WWOX: variants seen among roughly 807,000 people sequenced by gnomAD.
WWOX encodes the protein WW domain containing oxidoreductase.
A neutral mutation model predicts 46.2 loss-of-function variants in WWOX; 69 were observed. The ratio of observed to expected loss-of-function variants is 1.49; its 90% CI spans 1.23 to 1.82. The LOEUF (loss-of-function observed/expected upper bound fraction) is 1.82, where lower values mean the gene tolerates loss of function less well. WWOX is among the 40% of genes most tolerant of loss of function. The pLI, the probability that WWOX is intolerant of heterozygous loss-of-function variation, is 0.00. For missense variants in WWOX, 919 were observed against 542.6 expected (o/e 1.69, Z -6.89); for synonymous variants, 359 against 202.6 (o/e 1.77, Z -6.56).
At chr16:78,634,833 AGAGAGTGTGTGT>A (rs1390742148) in intron 8 of WWOX, among the ~76,000 whole-genome samples, 21 of 111,314 alleles carry the variant, frequency 1.9e-4, no homozygotes, top group Non-Finnish European at 2.3e-4. Flanking sequence ...AGAGAGAGAG[AGAGAGTGTGTGT>A]GTGTGTGTGT....
intron 8 of WWOX, among the ~76,000 whole-genome samples, chr16:79,170,722 A>AT (rs112145124): frequency 1.2e-3 from 179 of 151,308 alleles, no homozygotes; most frequent in African/African-American, 3.8e-3. Flanking sequence ...TCAATTCATG[A>AT]TTTTTTTTTC....
chr16:78,931,890 G>T (rs1055158517), intron 8 of WWOX, among the ~76,000 whole-genome samples: 2 of 152,120 alleles, frequency 1.3e-5, no homozygotes, highest in Non-Finnish European at 2.9e-5. Flanking sequence ...CATGGGGGTG[G>T]GTCTTTCCCA....
At chr16:78,652,240 C>G (rs971290323) in intron 8 of WWOX, among the ~76,000 whole-genome samples, 10 of 151,272 alleles carry the variant, frequency 6.6e-5, no homozygotes, top group Non-Finnish European at 1.2e-4. Context: ...TGAAACCTGT[C>G]ACTACTAAAA....
intron 5 of WWOX, among the ~76,000 whole-genome samples, chr16:78,309,912 A>G (rs1342335490): frequency 2.0e-5 from 3 of 152,034 alleles, no homozygotes; most frequent in African/African-American, 7.2e-5. Flanking sequence ...TAATAATTGG[A>G]TGTATGGCAG....
At chr16:78,890,044 C>T (rs946602735) in intron 8 of WWOX, among the ~76,000 whole-genome samples, 1 of 151,960 alleles carries the variant, frequency 6.6e-6, no homozygotes. Context: ...CCAAGTGGCA[C>T]AAAAACATTG....
Position 78,125,816 on chromosome 16 carries a change from C to T in WWOX, c.409+10662C>T, listed in dbSNP as rs187966361. On this transcript the variant is annotated intron_variant, in intron 4 of 8. Coordinates refer to ENST00000566780, the MANE Select transcript of WWOX (RefSeq NM_016373.4). Reference sequence around the variant, plus strand: ...GGAATGGGAAGTAGCATTCATCAAGCGCCTGTATATGCCAGGTGTTAGGCT... The same window carrying T: ...GGAATGGGAAGTAGCATTCATCAAGTGCCTGTATATGCCAGGTGTTAGGCT... 9.9e-5 allele frequency among the ~76,000 whole-genome samples: 15 copies of T among 152,220 alleles called. No individual in the cohort carries two copies. In the East Asian group the frequency reaches 1.3e-3, roughly 14 times the overall value.
At chr16:78,572,648 T>C (rs965407795) in intron 8 of WWOX, among the ~76,000 whole-genome samples, 6 of 129,774 alleles carry the variant, frequency 4.6e-5, no homozygotes, top group Admixed American at 1.6e-4. Context: ...GGAGAATATA[T>C]ACAGTATGAT....
At chr16:79,160,909 C>T (rs962739224) in intron 8 of WWOX, among the ~76,000 whole-genome samples, 1 of 152,050 alleles carries the variant, frequency 6.6e-6, no homozygotes, top group African/African-American at 2.4e-5. Flanking sequence ...ACATACAATA[C>T]ATATATTCTG....
At chr16:78,409,913 T>A (rs900304314) in intron 6 of WWOX, among the ~76,000 whole-genome samples, 13 of 152,188 alleles carry the variant, frequency 8.5e-5, no homozygotes, top group African/African-American at 1.2e-4. Context: ...TTACCTAGAT[T>A]ATCTAGCATG....
At chr16:78,307,071 T>C (rs2080148148) in intron 5 of WWOX, among the ~76,000 whole-genome samples, 1 of 152,232 alleles carries the variant, frequency 6.6e-6, no homozygotes, top group South Asian at 2.1e-4. Flanking sequence ...TCCAACTTTT[T>C]GAGCCTCTAC....
intron 8 of WWOX, among the ~76,000 whole-genome samples, chr16:78,933,124 C>G (rs139171343): frequency 8.8e-4 from 134 of 152,278 alleles, no homozygotes; most frequent in African/African-American, 3.1e-3. Flanking sequence ...CCATAGGAGA[C>G]TCTTTGAACA....
chr16:78,863,100 A>C (rs2043926933), intron 8 of WWOX, among the ~76,000 whole-genome samples: 1 of 151,708 alleles, frequency 6.6e-6, no homozygotes. Flanking sequence ...GTGGGATTAC[A>C]GGCGCCACCA....
chr16:78,681,238 CATAA>C (rs377376006), intron 8 of WWOX, among the ~76,000 whole-genome samples: 15 of 151,902 alleles, frequency 9.9e-5, no homozygotes, highest in South Asian at 2.1e-4. Context: ...AAGACTGTCT[CATAA>C]ATAAATAAAT....
At chr16:78,913,036 C>G (rs1273905748) in intron 8 of WWOX, among the ~76,000 whole-genome samples, 1 of 151,992 alleles carries the variant, frequency 6.6e-6, no homozygotes, top group African/African-American at 2.4e-5. Flanking sequence ...CACAACAGGT[C>G]TGAGTGTTTT....
chr16:78,701,649 G>C (rs1398038846), intron 8 of WWOX, among the ~76,000 whole-genome samples: 10 of 151,828 alleles, frequency 6.6e-5, no homozygotes, highest in Admixed American at 6.6e-4. Flanking sequence ...CCTCTGCAGG[G>C]AGAGCTTGGA....
chr16:78,329,461 G>A (rs1258040571), intron 5 of WWOX, among the ~76,000 whole-genome samples: 3 of 152,184 alleles, frequency 2.0e-5, no homozygotes, highest in East Asian at 3.9e-4. Flanking sequence ...GGAATAAACA[G>A]CAAAAATAGT....
chr16:78,397,241 A>G (rs553449747), intron 6 of WWOX, among the ~76,000 whole-genome samples: 3 of 151,252 alleles, frequency 2.0e-5, no homozygotes, highest in African/African-American at 7.2e-5. Flanking sequence ...TGCTGTTTCA[A>G]TAACGAAGAT....
chr16:78,352,794 CTTAAA>C (rs78577167), intron 5 of WWOX, among the ~76,000 whole-genome samples: 107,005 of 151,804 alleles, frequency 0.7, 38,547 homozygotes, highest in African/African-American at 0.76. Flanking sequence ...ATGCATGAGT[CTTAAA>C]TTTATTTTAT....
At chr16:78,986,767 A>G (rs183239531) in intron 8 of WWOX, among the ~76,000 whole-genome samples, 7 of 152,330 alleles carry the variant, frequency 4.6e-5, no homozygotes, top group African/African-American at 1.7e-4. Flanking sequence ...GCTTCAGAAG[A>G]GATTTTAAAG....
Sources: gnomAD v4.1 joint callset for allele counts (sites outside exome capture counted in the v4.1 genomes callset) on GRCh38, gnomAD v4.1.1 for gene constraint, MANE v1.5 for transcripts, NCBI Gene and HGNC (gene_info 2026-07-23, HGNC 2026-07-21) for gene names.